RELN: variants seen among roughly 807,000 people sequenced by gnomAD.
The protein encoded by RELN is reelin.
In RELN, 108 loss-of-function variants were observed where a neutral mutation model predicts 427.6. The ratio of observed to expected loss-of-function variants is 0.25; its 90% CI spans 0.22 to 0.30. The LOEUF (loss-of-function observed/expected upper bound fraction) is 0.30. RELN is among the 10% of genes least tolerant of loss of function. RELN has a pLI of 1.00. For missense variants in RELN, 3,715 were observed against 4,302.8 expected, an observed-to-expected ratio of 0.86 and a Z score of 3.82; for synonymous variants, 1,524 against 1,513.4, an observed-to-expected ratio of 1.01 and a Z score of -0.16.
At chr7:103,779,560 G>A (rs933730776) in intron 3 of RELN, among the ~76,000 whole-genome samples, 1 of 152,138 alleles carries the variant, frequency 6.6e-6, no homozygotes, top group African/African-American at 2.4e-5. Flanking sequence ...ATTTACAAAT[G>A]TCACACCACT....
intron 10 of RELN, among the ~76,000 whole-genome samples, chr7:103,685,370 T>C (rs1472205400): frequency 6.6e-6 from 1 of 152,104 alleles, no homozygotes; most frequent in Non-Finnish European, 1.5e-5. Flanking sequence ...GCTCTTGATA[T>C]GAAAAAAACA....
chr7:103,732,793 T>A (rs1790387555), intron 6 of RELN, among the ~76,000 whole-genome samples: 1 of 152,154 alleles, frequency 6.6e-6, no homozygotes, highest in Non-Finnish European at 1.5e-5. Flanking sequence ...CTTGGTTGAG[T>A]GCAGTGAGGT....
intron 2 of RELN, among the ~76,000 whole-genome samples, chr7:103,871,507 A>T (rs1298093453): frequency 6.6e-6 from 1 of 152,100 alleles, no homozygotes; most frequent in African/African-American, 2.4e-5. Context: ...TATTAATAGG[A>T]CAGTCATGGA....
intron 16 of RELN, among the ~76,000 whole-genome samples, chr7:103,642,656 C>T (rs1466863508): frequency 6.6e-6 from 1 of 152,084 alleles, no homozygotes; most frequent in South Asian, 2.1e-4. Context: ...TAACAGCCTT[C>T]TTTAGGAAAT....
At chr7:103,734,062 T>G (rs1434421346) in intron 6 of RELN, among the ~76,000 whole-genome samples, 2 of 152,164 alleles carry the variant, frequency 1.3e-5, no homozygotes, top group East Asian at 3.8e-4. Context: ...TGGTTCAATT[T>G]TCTTTAGGCT....
chr7:103,488,763 C>A (rs1283727716), intron 60 of RELN, among the ~76,000 whole-genome samples: 2 of 152,204 alleles, frequency 1.3e-5, no homozygotes, highest in Non-Finnish European at 2.9e-5. Context: ...GCTGTGTGAC[C>A]TTAGGCAGGT....
rs1584465093 is a variant in RELN, at chr7:103,753,270, A to G, written c.545-56T>C. 1.9e-6 allele frequency: 3 copies of G among 1,557,174 alleles called. No individual in the cohort carries two copies. The East Asian group carries it at 6.7e-5, about 35-fold the overall frequency. Reference sequence around the variant, plus strand: ...CTGATCAGGAATGAAAGCAAAATCCAGTAATAAAGAGTCACAACACAGTTA... The same window carrying G: ...CTGATCAGGAATGAAAGCAAAATCCGGTAATAAAGAGTCACAACACAGTTA... On this transcript the variant is annotated intron_variant, in intron 4 of 64. Transcript: ENST00000428762.
intron 48 of RELN, 30 bp downstream of exon 48, chr7:103,521,992 G>C (rs758624865): frequency 6.2e-7 from 1 of 1,611,890 alleles, no homozygotes; most frequent in South Asian, 1.1e-5. Context: ...AAGAAGAGCA[G>C]AAATGAGTAA....
rs374814684 is a variant in RELN, at chr7:103,839,303, C to T, written c.338-5631G>A. On this transcript the variant is annotated intron_variant, in intron 2 of 64. Coordinates refer to ENST00000428762, the MANE Select transcript of RELN (RefSeq NM_005045.4). Reference sequence around the variant, plus strand: ...CACTATGACTATACAGTGGTCTTTGCTTTTTTTTTTTTTTTTTTTAACATA... The same window carrying T: ...CACTATGACTATACAGTGGTCTTTGTTTTTTTTTTTTTTTTTTTTAACATA... Among the ~76,000 whole-genome samples the T allele has an allele frequency of 4.7e-3, 573 of 121,128 alleles. 6 individuals carry two copies. Among genetic ancestry groups the T allele is most frequent in the African/African-American group, 0.017 (535 of 32,420 alleles). The allele number at this position is 121,128 out of a possible 152,430, so 79.5% of individuals were successfully genotyped here.
intron 25 of RELN, 145 bp from the exon 26 acceptor site, chr7:103,594,637 A>AT: frequency 1.3e-6 from 1 of 795,912 alleles, no homozygotes; most frequent in Non-Finnish European, 2.0e-6. Context: ...AAGTTTGGAC[A>AT]TATCAGACTT....
intron 6 of RELN, among the ~76,000 whole-genome samples, chr7:103,745,889 C>G (rs1405334778): frequency 6.6e-6 from 1 of 152,208 alleles, no homozygotes; most frequent in Non-Finnish European, 1.5e-5. Context: ...CTACCAATGA[C>G]TTTCTTCACA....
At chr7:103,845,611 T>A (rs1473093160) in intron 2 of RELN, among the ~76,000 whole-genome samples, 1 of 152,208 alleles carries the variant, frequency 6.6e-6, no homozygotes, top group Non-Finnish European at 1.5e-5. Context: ...CTAAAAAGCC[T>A]TTTTAGACAT....
At chr7:103,862,880 G>A (rs567231534) in intron 2 of RELN, among the ~76,000 whole-genome samples, 13 of 152,166 alleles carry the variant, frequency 8.5e-5, no homozygotes, top group African/African-American at 2.6e-4. Context: ...GAGAATGGAC[G>A]TGGCTGTTCT....
intron 22 of RELN, among the ~76,000 whole-genome samples, chr7:103,607,308 G>C (rs1241388452): frequency 6.6e-6 from 1 of 152,008 alleles, no homozygotes; most frequent in Non-Finnish European, 1.5e-5. Flanking sequence ...GAAAAGGCAA[G>C]AAAAAGAGAT....
intron 24 of RELN, among the ~76,000 whole-genome samples, chr7:103,600,285 A>G (rs1831633874): frequency 6.6e-6 from 1 of 152,128 alleles, no homozygotes; most frequent in African/African-American, 2.4e-5. Flanking sequence ...TCACTTCAAC[A>G]TGCTTGCTGG....
At position 103,571,583 on chromosome 7, in the gene RELN, C is replaced by T. The variant is rs1000962213; in HGVS notation, c.4588+601G>A. ...ATCATGGGCAGGTTACTTGACCTTT[C>T]GGTGCCTCAGTTTCTACATCTGCAA... On this transcript the variant is annotated intron_variant, in intron 31 of 64. Transcript: ENST00000428762. 3.9e-5 allele frequency among the ~76,000 whole-genome samples: 6 copies of T among 152,128 alleles called. No individual in the cohort carries two copies. In the South Asian group the frequency reaches 6.2e-4, roughly 16 times the overall value.
At chr7:103,883,116 G>T (rs575362876) in intron 2 of RELN, among the ~76,000 whole-genome samples, 1 of 152,140 alleles carries the variant, frequency 6.6e-6, no homozygotes, top group Non-Finnish European at 1.5e-5. Flanking sequence ...TCCATGGGAC[G>T]CAGGGCTGGT....
At position 103,484,029 on chromosome 7, in the gene RELN, G is replaced by A. The variant is rs148978202; in HGVS notation, c.9984-179C>T. Among the ~76,000 whole-genome samples, 2,306 of 152,036 alleles carry A rather than the reference G, an allele frequency of 0.015. 70 individuals carry two copies. The highest frequency in any genetic ancestry group is 0.053 in the African/African-American group (2,186 of 41,470). Reference sequence around the variant, plus strand: ...CTAGTAGCTGGCATAACAGGTGTGCGCCACCACGCCTGGCTAATTTTTGTA... The same window carrying A: ...CTAGTAGCTGGCATAACAGGTGTGCACCACCACGCCTGGCTAATTTTTGTA... On this transcript the variant is annotated intron_variant, in intron 61 of 64. Transcript: ENST00000428762.
intron 1 of RELN, among the ~76,000 whole-genome samples, chr7:103,933,865 GT>G (rs1262547226): frequency 6.6e-6 from 1 of 152,086 alleles, no homozygotes; most frequent in Non-Finnish European, 1.5e-5. Flanking sequence ...TTTTGTTTTT[GT>G]TGTTGTTGTT....
Sources: allele counts gnomAD v4.1 joint callset (sites outside exome capture counted in the v4.1 genomes callset), GRCh38; gene constraint gnomAD v4.1.1; transcripts MANE v1.5; gene names NCBI Gene and HGNC (gene_info 2026-07-23, HGNC 2026-07-21).